USP13: variants seen among roughly 807,000 people sequenced by gnomAD.
USP13 encodes the protein ubiquitin carboxyl-terminal hydrolase 13.
USP13 carries 68 observed loss-of-function variants against 107.8 expected under a neutral mutation model. That is an observed-to-expected ratio of 0.63 (90% CI 0.52 to 0.77). The LOEUF (loss-of-function observed/expected upper bound fraction) is 0.77. USP13 is among the 30% of genes least tolerant of loss of function. USP13 has a pLI of 0.00. For synonymous variants in USP13, 377 were observed against 389.5 expected (o/e 0.97, Z 0.38); for missense variants, 945 against 1,093.3 (o/e 0.86, Z 1.91).
intron 19 of USP13, 90 bp from the exon 20 acceptor site, chr3:179,781,649 A>C (rs1576998971): frequency 2.7e-6 from 3 of 1,102,996 alleles, no homozygotes; most frequent in Admixed American, 1.9e-5. Context: ...CAGTTGCTGG[A>C]TTATACTATG....
chr3:179,710,862 A>T (rs1712897499), intron 6 of USP13, among the ~76,000 whole-genome samples: 1 of 152,222 alleles, frequency 6.6e-6, no homozygotes, highest in African/African-American at 2.4e-5. Context: ...GTATCTGGAC[A>T]TATCTAAACA....
Position 179,701,110 on chromosome 3 carries a change from T to C in USP13, c.458T>C (p.Ile153Thr). The change falls in exon 4 of 21, where the codon ATT becomes ACT. Residue 153 changes from isoleucine (I) to threonine (T), a missense_variant. Ile to Thr is a moderately conservative substitution (Grantham distance 89, BLOSUM62 -1). Transcript: ENST00000263966. ...CACTATGAAATAGCACTACCAAATA[T>C]TGAGGAGTTACCAGCCCTGGTCAGT... is the stretch of plus-strand genomic sequence containing the variant. ...PDHYEIALPN[I>T]EELPALVTIA... is the part of the protein sequence containing the mutation. 6.2e-7 allele frequency: 1 copy of C among 1,613,132 alleles called. No individual in the cohort carries two copies. The highest frequency in any genetic ancestry group is 8.5e-7 in the Non-Finnish European group (1 of 1,179,608).
At chr3:179,728,908 C>A (rs1375934655) in intron 8 of USP13, among the ~76,000 whole-genome samples, 1 of 145,512 alleles carries the variant, frequency 6.9e-6, no homozygotes, top group Non-Finnish European at 1.6e-5. Flanking sequence ...GGCAGCAGTA[C>A]CGTCCAGCTT....
chr3:179,690,443 C>T, intron 3 of USP13, 142 bp downstream of exon 3: 3 of 697,462 alleles, frequency 4.3e-6, no homozygotes, highest in Non-Finnish European at 6.9e-6. Flanking sequence ...TAAGGCCCGC[C>T]TCCACTTTGC....
intron 19 of USP13, among the ~76,000 whole-genome samples, chr3:179,775,603 G>T (rs1427788732): frequency 2.0e-5 from 3 of 152,220 alleles, no homozygotes; most frequent in Non-Finnish European, 4.4e-5. Context: ...GGCCATGCAG[G>T]AGCCCACCAC....
intron 8 of USP13, among the ~76,000 whole-genome samples, chr3:179,727,123 C>T (rs953120076): frequency 5.3e-5 from 8 of 150,584 alleles, no homozygotes; most frequent in Admixed American, 4.6e-4. Context: ...CTGCTGTTAC[C>T]ATTATTATTC....
chr3:179,684,173 A>G (rs1159326769), intron 2 of USP13, among the ~76,000 whole-genome samples: 1 of 151,160 alleles, frequency 6.6e-6, no homozygotes, highest in Non-Finnish European at 1.5e-5. Flanking sequence ...GTTGGCCAGG[A>G]TGGTCTCGCT....
chr3:179,707,002 G>A lies in USP13; in HGVS notation c.546G>A (p.Trp182Ter). ...SPYRKQDPDT[W>*]ENELPVSKYA... ...ACAGAAAGCAGGACCCAGACACGTG[G>A]GAAAATGAATTGCCAGTATCTAAAT... Residue 182 changes from tryptophan to a stop codon, truncating the protein, a stop_gained, in exon 5 of 21, where the codon TGG becomes TGA. Coordinates refer to ENST00000263966, the MANE Select transcript of USP13 (RefSeq NM_003940.3). LOFTEE classifies it high-confidence loss of function. 1 of 1,614,098 alleles carries A rather than the reference G, an allele frequency of 6.2e-7. No individual in the cohort carries two copies. The highest frequency in any genetic ancestry group is 1.1e-5 in the South Asian group (1 of 91,074).
In USP13 at chr3:179,744,621, G is replaced by A. The variant is rs145052799; in HGVS notation, c.1535-422G>A. 4.2e-3 allele frequency among the ~76,000 whole-genome samples: 647 copies of A among 152,282 alleles called. 7 individuals are homozygous for A. Among genetic ancestry groups the A allele is most frequent in the African/African-American group, 0.015 (606 of 41,546 alleles). ...CAAGGCAGTGAAGGACTGGGAAGAC[G>A]TGAGCCCTTGGACCTTTTCTGGCTG... On this transcript the variant is annotated intron_variant, in intron 12 of 20. Coordinates refer to ENST00000263966, the MANE Select transcript of USP13 (RefSeq NM_003940.3).
chr3:179,709,374 A>G (rs1190395025), intron 6 of USP13, among the ~76,000 whole-genome samples: 1 of 152,240 alleles, frequency 6.6e-6, no homozygotes, highest in African/African-American at 2.4e-5. Flanking sequence ...GGAATCCATT[A>G]CAGGGATTAA....
At position 179,752,313 on chromosome 3, in the gene USP13, T is replaced by TA; in HGVS notation, c.1739dup (p.Tyr580Ter). ...ATCTCGCTTTGCTTCATTCCCTGAA[T>TA]ACTTGGTAGTGCAGATAAAGAAGTT... Reference protein sequence around the residue: ...KTSRFASFPEYLVVQIKKFTF... With the variant: ...KTSRFASFPE Residue 580 changes from tyrosine to a stop codon, truncating the protein, a stop_gained and frameshift_variant, in exon 14 of 21, where the codon TAC becomes TAAC. Transcript: ENST00000263966. LOFTEE classifies it high-confidence loss of function. 2 of 1,614,122 alleles carry TA rather than the reference T, an allele frequency of 1.2e-6. No individual in the cohort carries two copies. Among genetic ancestry groups the TA allele is most frequent in the Non-Finnish European group, 1.7e-6 (2 of 1,179,990 alleles).
chr3:179,702,159 C>A (rs901834548), intron 4 of USP13, among the ~76,000 whole-genome samples: 10 of 152,032 alleles, frequency 6.6e-5, no homozygotes, highest in East Asian at 1.9e-4. Flanking sequence ...AGCTGGGACT[C>A]CAGGCGCCCG....
At chr3:179,707,795 T>C (rs991315523) in intron 5 of USP13, among the ~76,000 whole-genome samples, 10 of 152,206 alleles carry the variant, frequency 6.6e-5, no homozygotes, top group African/African-American at 2.2e-4. Flanking sequence ...GGATTAGGAA[T>C]GTGTCTGATT....
At chr3:179,762,883 A>G (rs1400893451) in intron 17 of USP13, among the ~76,000 whole-genome samples, 2 of 152,162 alleles carry the variant, frequency 1.3e-5, no homozygotes, top group African/African-American at 2.4e-5. Flanking sequence ...CAATTTCTCC[A>G]TATCATCACT....
intron 17 of USP13, 48 bp downstream of exon 17, chr3:179,761,303 A>G: frequency 6.2e-7 from 1 of 1,607,446 alleles, no homozygotes; most frequent in Admixed American, 1.7e-5. Context: ...TGTGACCCTC[A>G]GTGATGCTGA....
rs1007075983 is a variant in USP13, at chr3:179,653,465, C to G, written c.168+72C>G. On this transcript the variant is annotated intron_variant, in intron 1 of 20. Coordinates refer to ENST00000263966, the MANE Select transcript of USP13 (RefSeq NM_003940.3). This position sits in a 1 kb window ranked among gnomAD's most constrained non-coding sequence, Gnocchi z 4.0. ...GCACGTGAAGCCGGGGGAGAAGATG[C>G]GCAGTGGCGGCCGGGACCTCTTCTC... The G allele has an allele frequency of 5.2e-5, 78 of 1,507,998 alleles. 1 individual carries two copies. The Middle Eastern group carries it at 6.4e-4, about 12-fold the overall frequency. The allele number at this position is 1,507,998 out of a possible 1,614,324, so 93.4% of individuals were successfully genotyped here.
chr3:179,766,085 T>C (rs1284982555), intron 19 of USP13, among the ~76,000 whole-genome samples: 1 of 151,438 alleles, frequency 6.6e-6, no homozygotes, highest in African/African-American at 2.4e-5. Flanking sequence ...GTTCAAGCCA[T>C]TCTCCTGCTT....
At chr3:179,677,210 T>C (rs1240075909) in intron 1 of USP13, among the ~76,000 whole-genome samples, 1 of 151,818 alleles carries the variant, frequency 6.6e-6, no homozygotes, top group Non-Finnish European at 1.5e-5. Context: ...CCTCTCTGAG[T>C]GTCAAATAAT....
At chr3:179,746,788 C>T (rs1714426858) in intron 13 of USP13, among the ~76,000 whole-genome samples, 1 of 152,094 alleles carries the variant, frequency 6.6e-6, no homozygotes, top group African/African-American at 2.4e-5. Context: ...TGATCTGGAA[C>T]TCCTGACCTC....
Sources: gnomAD v4.1 joint callset for allele counts (sites outside exome capture counted in the v4.1 genomes callset) on GRCh38, gnomAD v4.1.1 for gene constraint, Gnocchi (gnomAD v3.1) non-coding constraint, MANE v1.5 for transcripts, NCBI Gene and HGNC (gene_info 2026-07-23, HGNC 2026-07-21) for gene names.